The following NCOA3 variants were observed in gnomAD, a reference collection of about 807,000 sequenced individuals.
The protein encoded by NCOA3 is CBP-interacting protein.
NCOA3 carries 51 observed loss-of-function variants against 158.8 expected under a neutral mutation model. That is an observed-to-expected ratio of 0.32 (90% CI 0.26 to 0.41). NCOA3 has a LOEUF of 0.41. NCOA3 is among the 10% of genes least tolerant of loss of function. The pLI is 1.00. For missense variants in NCOA3, 1,510 were observed against 1,746.6 expected (o/e 0.86, Z 2.41); for synonymous variants, 537 against 592.4 (o/e 0.91, Z 1.36).
chr20:47,536,599 G>A (rs1419398347), intron 1 of NCOA3, among the ~76,000 whole-genome samples: 1 of 152,176 alleles, frequency 6.6e-6, no homozygotes, highest in Non-Finnish European at 1.5e-5. Context: ...TCTAAAGCTT[G>A]TAGGGGCTCT....
chr20:47,583,698 A>G (rs555078539), intron 2 of NCOA3, among the ~76,000 whole-genome samples: 14 of 152,386 alleles, frequency 9.2e-5, no homozygotes, highest in African/African-American at 3.4e-4. Flanking sequence ...ACTCATGTTT[A>G]TAATCCTAGC....
chr20:47,568,973 G>A (rs1488326413), intron 1 of NCOA3, among the ~76,000 whole-genome samples: 1 of 150,146 alleles, frequency 6.7e-6, no homozygotes, highest in African/African-American at 2.5e-5. Flanking sequence ...TTTTTTTTGA[G>A]GCAGAGTTTT....
At position 47,594,664 on chromosome 20, in the gene NCOA3, C is replaced by CAAAAAAAAAAAAAAA. The variant is rs377014290; in HGVS notation, c.-20+11420_-20+11434dup. Among the ~76,000 whole-genome samples, 25 of 72,944 alleles carry CAAAAAAAAAAAAAAA rather than the reference C, an allele frequency of 3.4e-4. 1 individual carries two copies. The highest frequency in any genetic ancestry group is 3.9e-4 in the Non-Finnish European group (16 of 40,716). The allele number at this position is 72,944 out of a possible 152,430, so 47.9% of individuals were successfully genotyped here. ...TGGGCGACAGAGCGAGACTCTGTCTCAAAAAAAAAAAAAAAAAAAAAAAAA... is the reference window on the plus strand; with the variant it reads ...TGGGCGACAGAGCGAGACTCTGTCTCAAAAAAAAAAAAAAAAAAAAAAAAAAAAAAAAAAAAAAAA... On this transcript the variant is annotated intron_variant, in intron 2 of 22. Transcript: ENST00000371998.
chr20:47,647,227 ACT>A lies in NCOA3; in HGVS notation c.3410_3411del (p.Ser1137TyrfsTer34), dbSNP rs1447785542. On this transcript the variant is annotated frameshift_variant, in exon 18 of 23. Transcript: ENST00000371998. LOFTEE classifies it high-confidence loss of function. The stretch of plus-strand genomic sequence containing the variant: ...CTTCAGGGACAATCACCATCTTTTA[ACT>A]CTATGATGAATCAGATGAACCAGCA... 1.2e-6 allele frequency: 2 copies of A among 1,613,948 alleles called. No individual in the cohort carries two copies. Among genetic ancestry groups the A allele is most frequent in the South Asian group, 1.1e-5 (1 of 91,062 alleles).
chr20:47,644,144 A>AT (rs761776730), intron 17 of NCOA3, among the ~76,000 whole-genome samples: 10,274 of 134,400 alleles, frequency 0.076, 439 homozygotes, highest in Non-Finnish European at 0.11. Context: ...AATTCGTTCT[A>AT]TTTTTTTTTT....
At chr20:47,584,135 AAC>A (rs2146223600) in intron 2 of NCOA3, among the ~76,000 whole-genome samples, 1 of 151,878 alleles carries the variant, frequency 6.6e-6, no homozygotes, top group Non-Finnish European at 1.5e-5. Flanking sequence ...AGTTCTACAA[AAC>A]ACACAAAAAA....
At chr20:47,616,498 A>G (rs951703585) in intron 2 of NCOA3, among the ~76,000 whole-genome samples, 2 of 152,150 alleles carry the variant, frequency 1.3e-5, no homozygotes, top group African/African-American at 4.8e-5. Flanking sequence ...CAGCCTTTTA[A>G]AAATGCAGTC....
At chr20:47,547,020 G>A (rs1457555200) in intron 1 of NCOA3, among the ~76,000 whole-genome samples, 1 of 152,034 alleles carries the variant, frequency 6.6e-6, no homozygotes, top group Non-Finnish European at 1.5e-5. Context: ...TCTTAATGAG[G>A]CCCACCCTTA....
chr20:47,602,859 A>G (rs2085884526), intron 2 of NCOA3, among the ~76,000 whole-genome samples: 1 of 152,028 alleles, frequency 6.6e-6, no homozygotes, highest in African/African-American at 2.4e-5. Flanking sequence ...GTTTCTTTCC[A>G]TTTTCCTTTT....
At position 47,532,110 on chromosome 20, in the gene NCOA3, T is replaced by TTGTGTGTGTGTGTGTGTGTGTGTG. The variant is rs11474538; in HGVS notation, c.-99+30097_-99+30120dup. On this transcript the variant is annotated intron_variant, in intron 1 of 22. Transcript: ENST00000371998. The stretch of plus-strand genomic sequence containing the variant: ...AAAATAAAACTTTGTAGGGGGGGAC[T>TTGTGTGTGTGTGTGTGTGTGTGTG]TGTGTGTGTGTGTGTGTGTGTGTGT... Among the ~76,000 whole-genome samples, 339 of 147,490 alleles carry TTGTGTGTGTGTGTGTGTGTGTGTG rather than the reference T, an allele frequency of 2.3e-3. 2 individuals are homozygous for TTGTGTGTGTGTGTGTGTGTGTGTG. The highest frequency in any genetic ancestry group is 8.0e-3 in the African/African-American group (316 of 39,330).
intron 19 of NCOA3, among the ~76,000 whole-genome samples, chr20:47,649,978 A>AC (rs1249620916): frequency 6.6e-6 from 1 of 151,580 alleles, no homozygotes; most frequent in African/African-American, 2.4e-5. Context: ...TCTGAGGTGG[A>AC]CCCCTGCTTA....
intron 1 of NCOA3, among the ~76,000 whole-genome samples, chr20:47,535,263 A>C (rs1034668240): frequency 6.6e-6 from 1 of 152,024 alleles, no homozygotes; most frequent in Non-Finnish European, 1.5e-5. Flanking sequence ...GGTCGTGAGG[A>C]GTGTTTTTGG....
intron 1 of NCOA3, among the ~76,000 whole-genome samples, chr20:47,579,775 C>G (rs1408557654): frequency 6.6e-6 from 1 of 152,164 alleles, no homozygotes; most frequent in East Asian, 1.9e-4. Context: ...AAGCTGAACA[C>G]TAAGCACCAA....
chr20:47,566,495 C>T (rs1214290894), intron 1 of NCOA3, among the ~76,000 whole-genome samples: 2 of 151,864 alleles, frequency 1.3e-5, no homozygotes, highest in African/African-American at 2.4e-5. Flanking sequence ...CCCTCTTCTT[C>T]CCCCTTATCT....
chr20:47,601,181 C>T (rs1228359937), intron 2 of NCOA3, among the ~76,000 whole-genome samples: 1 of 152,202 alleles, frequency 6.6e-6, no homozygotes, highest in Non-Finnish European at 1.5e-5. Flanking sequence ...GAAGGGGAAG[C>T]AGGCATGTGC....
Position 47,510,311 on chromosome 20 carries a change from TA to T in NCOA3, c.-99+8294del, listed in dbSNP as rs1352574812. On this transcript the variant is annotated intron_variant, in intron 1 of 22. Coordinates refer to ENST00000371998, the MANE Select transcript of NCOA3 (RefSeq NM_181659.3). ...AGCTGGGCATGGTGGCGGGTGCCTG[TA>T]ATCCCAGCTACTCAGGAGGCTGAGG... is the stretch of plus-strand genomic sequence containing the variant. Among the ~76,000 whole-genome samples the T allele has an allele frequency of 3.3e-5, 5 of 151,328 alleles. No individual in the cohort carries two copies. The East Asian group carries it at 9.8e-4, about 30-fold the overall frequency.
intron 1 of NCOA3, among the ~76,000 whole-genome samples, chr20:47,520,915 A>G (rs2084321127): frequency 6.6e-6 from 1 of 152,198 alleles, no homozygotes; most frequent in Non-Finnish European, 1.5e-5. Context: ...CGCAGAGGGC[A>G]CCCACTCACT....
At chr20:47,560,936 A>G (rs2085091394) in intron 1 of NCOA3, among the ~76,000 whole-genome samples, 2 of 145,998 alleles carry the variant, frequency 1.4e-5, no homozygotes, top group African/African-American at 2.5e-5. Flanking sequence ...AGCAGTGTAC[A>G]CTGTGCCCAA....
In NCOA3 at chr20:47,649,118, G is replaced by T; in HGVS notation, c.3651+9G>T. ...CCCAGGTGAGCTCCCAGGTGAGGAT[G>T]ATAAGCCTCTCCACATGCATTGCTC... On this transcript the variant is annotated intron_variant, in intron 19 of 22. Coordinates refer to ENST00000371998, the MANE Select transcript of NCOA3 (RefSeq NM_181659.3). 1.3e-6 allele frequency: 2 copies of T among 1,587,970 alleles called. No homozygotes were observed. Among genetic ancestry groups the T allele is most frequent in the South Asian group, 2.2e-5 (2 of 90,156 alleles).
Sources: allele counts gnomAD v4.1 joint callset (sites outside exome capture counted in the v4.1 genomes callset), GRCh38; gene constraint gnomAD v4.1.1; transcripts MANE v1.5; gene names NCBI Gene and HGNC (gene_info 2026-07-23, HGNC 2026-07-21).